The following MARCHF5 variants were observed in gnomAD, a reference collection of about 807,000 sequenced individuals.
MARCHF5 encodes E3 ubiquitin-protein ligase MARCHF5.
In MARCHF5, 5 loss-of-function variants were observed where a neutral mutation model predicts 36.5. The observed-to-expected ratio is 0.14, with a 90% CI of 0.07 to 0.29. The LOEUF is 0.29. MARCHF5 is among the 10% of genes least tolerant of loss of function. The pLI is 1.00. For synonymous variants in MARCHF5, 103 were observed against 109.9 expected (o/e 0.94, Z 0.39); for missense variants, 179 against 336.3 (o/e 0.53, Z 3.66).
chr10:92,349,354 A>G lies in MARCHF5; in HGVS notation c.375A>G (p.Val125=). The G allele has an allele frequency of 1.2e-6, 2 of 1,609,398 alleles. No homozygotes were observed. The highest frequency in any genetic ancestry group is 8.5e-7 in the Non-Finnish European group (1 of 1,177,640). The change falls in exon 4 of 6, where the codon GTA becomes GTG. Residue 125 remains valine (V), a synonymous_variant. Coordinates refer to ENST00000358935, the MANE Select transcript of MARCHF5 (RefSeq NM_017824.5). ...TYGAVTVMQV[V]GHKEGLDVME... ...ATATGCTATCTGTTTCACAGGTTGT[A>G]GGTCATAAAGAAGGTCTGGATGTTA...
intron 2 of MARCHF5, among the ~76,000 whole-genome samples, chr10:92,338,182 C>G (rs1843528142): frequency 6.6e-6 from 1 of 151,870 alleles, no homozygotes; most frequent in South Asian, 2.1e-4. Flanking sequence ...GAGCAAGACC[C>G]TGTCTCAAAA....
At position 92,353,315 on chromosome 10, in the gene MARCHF5, CTT is replaced by C. The variant is rs1190628379; in HGVS notation, c.*2109_*2110del. On this transcript the variant is annotated 3_prime_UTR_variant, in exon 6 of 6. Coordinates refer to ENST00000358935, the MANE Select transcript of MARCHF5 (RefSeq NM_017824.5). ...GAAGCAACAAAAGAGCATAGGCAGA[CTT>C]AAAGTTGGATAGACCTGGGTTCAAA... is the stretch of plus-strand genomic sequence containing the variant. 1 of 152,182 alleles carries C rather than the reference CTT, an allele frequency of 6.6e-6. No individual in the cohort carries two copies. The highest frequency in any genetic ancestry group is 1.5e-5 in the Non-Finnish European group (1 of 68,038). 9.4% of individuals were successfully genotyped at this position (152,182 alleles called of 1,614,324 possible).
intron 1 of MARCHF5, among the ~76,000 whole-genome samples, chr10:92,306,975 C>G (rs1590648516): frequency 6.6e-6 from 1 of 152,118 alleles, no homozygotes; most frequent in East Asian, 1.9e-4. Flanking sequence ...GATTGCACCA[C>G]TGCACTCCAG....
At chr10:92,347,471 T>C (rs1843658136) in intron 3 of MARCHF5, among the ~76,000 whole-genome samples, 2 of 24,060 alleles carry the variant, frequency 8.3e-5, no homozygotes, top group South Asian at 1.3e-3. Flanking sequence ...CTCAGATAGA[T>C]AGATAGATAG....
intron 1 of MARCHF5, among the ~76,000 whole-genome samples, chr10:92,301,796 C>T (rs934160605): frequency 6.6e-6 from 1 of 152,166 alleles, no homozygotes; most frequent in Non-Finnish European, 1.5e-5. Flanking sequence ...CAGGGGCTCA[C>T]GCCTGTAATC....
intron 2 of MARCHF5, 130 bp from the exon 3 acceptor site, chr10:92,340,543 A>G: frequency 4.9e-6 from 4 of 823,954 alleles, no homozygotes; most frequent in Non-Finnish European, 7.4e-6. Flanking sequence ...CTGCACTATA[A>G]TCTGGATGAC....
intron 2 of MARCHF5, among the ~76,000 whole-genome samples, chr10:92,330,087 C>T (rs1488035407): frequency 6.6e-6 from 1 of 152,176 alleles, no homozygotes; most frequent in Non-Finnish European, 1.5e-5. Flanking sequence ...AGGTGATTCA[C>T]CCGCCTTGGC....
At chr10:92,346,598 C>T (rs1256166722) in intron 3 of MARCHF5, among the ~76,000 whole-genome samples, 1 of 146,500 alleles carries the variant, frequency 6.8e-6, no homozygotes, top group Non-Finnish European at 1.5e-5. Context: ...AAGCGATTCT[C>T]CTGCTTCAGC....
chr10:92,346,492 CTT>C (rs763991703), intron 3 of MARCHF5, among the ~76,000 whole-genome samples: 6 of 88,314 alleles, frequency 6.8e-5, no homozygotes, highest in African/African-American at 2.1e-4. Context: ...CTATTTCCTT[CTT>C]TTTTTTTTTT....
chr10:92,309,714 A>G (rs898973998), intron 1 of MARCHF5, among the ~76,000 whole-genome samples: 8 of 152,068 alleles, frequency 5.3e-5, no homozygotes, highest in African/African-American at 1.7e-4. Flanking sequence ...ACCCAGTCCT[A>G]CTATGGGTAG....
chr10:92,347,131 C>G (rs1160683102), intron 3 of MARCHF5, among the ~76,000 whole-genome samples: 1 of 151,934 alleles, frequency 6.6e-6, no homozygotes, highest in Non-Finnish European at 1.5e-5. Flanking sequence ...ATTGCTTGAG[C>G]CCAGGAGTAC....
Position 92,349,533 on chromosome 10 carries a change from G to T in MARCHF5, c.553+1G>T. 1 of 1,612,198 alleles carries T rather than the reference G, an allele frequency of 6.2e-7. No individual in the cohort carries two copies. The highest frequency in any genetic ancestry group is 8.5e-7 in the Non-Finnish European group (1 of 1,179,106). The stretch of plus-strand genomic sequence containing the variant: ...CAAATTTTAAATAGTATATTTCCAG[G>T]TAAGGCACTGAACTGTGGTTGTAAA... On this transcript the variant is annotated splice_donor_variant, in intron 4 of 5. Coordinates refer to ENST00000358935, the MANE Select transcript of MARCHF5 (RefSeq NM_017824.5). LOFTEE classifies it high-confidence loss of function.
chr10:92,346,849 C>G (rs959507371), intron 3 of MARCHF5, among the ~76,000 whole-genome samples: 5 of 152,088 alleles, frequency 3.3e-5, no homozygotes, highest in Non-Finnish European at 5.9e-5. Context: ...CCATGAGAAA[C>G]AAACTTCCTC....
intron 3 of MARCHF5, among the ~76,000 whole-genome samples, chr10:92,341,915 T>A (rs1843584858): frequency 6.7e-6 from 1 of 149,134 alleles, no homozygotes; most frequent in Admixed American, 6.7e-5. Flanking sequence ...TTAGCCTCCA[T>A]AGTAGCTGGA....
chr10:92,321,957 A>G (rs149055681), intron 2 of MARCHF5, among the ~76,000 whole-genome samples: 1 of 151,998 alleles, frequency 6.6e-6, no homozygotes, highest in Non-Finnish European at 1.5e-5. Context: ...AAGATTTGTC[A>G]GGGTTGGCCA....
chr10:92,312,248 G>A (rs1590651655), intron 2 of MARCHF5, among the ~76,000 whole-genome samples: 3 of 152,092 alleles, frequency 2.0e-5, no homozygotes, highest in Admixed American at 2.0e-4. Context: ...TGAAAATGTG[G>A]CAACATAAAT....
At chr10:92,295,902 C>T (rs188449650) in intron 1 of MARCHF5, among the ~76,000 whole-genome samples, 5 of 147,070 alleles carry the variant, frequency 3.4e-5, no homozygotes, top group Admixed American at 1.4e-4. Flanking sequence ...CATGGAATTT[C>T]GCTCTTGTTG....
Position 92,291,470 on chromosome 10 carries a change from G to C in MARCHF5, c.-25G>C. 6.5e-7 allele frequency: 1 copy of C among 1,540,970 alleles called. No individual in the cohort carries two copies. Among genetic ancestry groups the C allele is most frequent in the Non-Finnish European group, 8.8e-7 (1 of 1,138,706 alleles). ...GCCTTGAGCGGGTCCACTGGGGAAG[G>C]CCGTGTGCGCCGGCTCCGCGGAAGA... On this transcript the variant is annotated 5_prime_UTR_variant, in exon 1 of 6. Coordinates refer to ENST00000358935, the MANE Select transcript of MARCHF5 (RefSeq NM_017824.5).
intron 1 of MARCHF5, among the ~76,000 whole-genome samples, chr10:92,300,301 G>A (rs1842997782): frequency 1.3e-5 from 2 of 151,740 alleles, no homozygotes; most frequent in Non-Finnish European, 2.9e-5. Flanking sequence ...GCAACATGGA[G>A]AAACCCTGTG....
Sources: gnomAD v4.1 joint callset for allele counts (sites outside exome capture counted in the v4.1 genomes callset) on GRCh38, gnomAD v4.1.1 for gene constraint, MANE v1.5 for transcripts, NCBI Gene and HGNC (gene_info 2026-07-23, HGNC 2026-07-21) for gene names.